CCDC102B: variants seen among roughly 807,000 people sequenced by gnomAD.
CCDC102B encodes coiled-coil domain-containing protein 102B.
A neutral mutation model predicts 57.4 loss-of-function variants in CCDC102B; 75 were observed. The observed-to-expected ratio is 1.31, with a 90% CI of 1.08 to 1.58. The LOEUF is 1.58. Among genes scored for constraint, CCDC102B ranks in the 40% most tolerant of loss-of-function variants. The pLI is 0.00. For missense variants in CCDC102B, 636 were observed against 582.6 expected, an observed-to-expected ratio of 1.09 and a Z score of -0.94; for synonymous variants, 206 against 201.9, an observed-to-expected ratio of 1.02 and a Z score of -0.17.
intron 6 of CCDC102B, among the ~76,000 whole-genome samples, chr18:68,984,765 G>C (rs990266170): frequency 6.6e-6 from 1 of 152,032 alleles, no homozygotes; most frequent in African/African-American, 2.4e-5. Context: ...ATATTCCACA[G>C]TGAAGGATTT....
chr18:68,843,968 AC>A (rs1219684577), intron 3 of CCDC102B, among the ~76,000 whole-genome samples: 19 of 94,316 alleles, frequency 2.0e-4, no homozygotes, highest in Non-Finnish European at 3.9e-4. Context: ...CTATCTAAAT[AC>A]TAAAAAAAAA....
intron 2 of CCDC102B, among the ~76,000 whole-genome samples, chr18:68,790,329 A>AGGCAG (rs1228260312): frequency 5.0e-4 from 76 of 151,488 alleles, no homozygotes; most frequent in Non-Finnish European, 4.6e-4. Flanking sequence ...AGAGGCAGGC[A>AGGCAG]GGCCTCCTTG....
At chr18:69,042,161 CT>C in intron 7 of CCDC102B, among the ~76,000 whole-genome samples, 1 of 151,954 alleles carries the variant, frequency 6.6e-6, no homozygotes, top group Non-Finnish European at 1.5e-5. Flanking sequence ...GGGAAGTTCT[CT>C]TTTTCAAAAA....
chr18:68,872,464 TA>T (rs898235330), intron 4 of CCDC102B, among the ~76,000 whole-genome samples: 1 of 152,170 alleles, frequency 6.6e-6, no homozygotes, highest in Non-Finnish European at 1.5e-5. Flanking sequence ...TTTTATTATT[TA>T]AATTTTTGAA....
At position 68,846,303 on chromosome 18, in the gene CCDC102B, A is replaced by C; in HGVS notation, c.828-10A>C. The C allele has an allele frequency of 6.8e-7, 1 of 1,465,190 alleles. No homozygotes were observed. Among genetic ancestry groups the C allele is most frequent in the East Asian group, 2.6e-5 (1 of 38,586 alleles). The allele number at this position is 1,465,190 out of a possible 1,614,324, so 90.8% of individuals were successfully genotyped here. On this transcript the variant is annotated splice_polypyrimidine_tract_variant and intron_variant, in intron 3 of 7. Transcript: ENST00000360242. ...CCGACTTTTTTTCTTTTAATTCTTAAATTATTTAGAATGCGCACAGCTTTG... is the reference window on the plus strand; with the variant it reads ...CCGACTTTTTTTCTTTTAATTCTTACATTATTTAGAATGCGCACAGCTTTG...
intron 5 of CCDC102B, among the ~76,000 whole-genome samples, chr18:68,883,978 GT>G (rs1474051337): frequency 1.3e-5 from 2 of 152,068 alleles, no homozygotes; most frequent in Non-Finnish European, 2.9e-5. Flanking sequence ...CCGGTAGAAA[GT>G]TTTTTAAAAA....
intron 6 of CCDC102B, among the ~76,000 whole-genome samples, chr18:68,898,606 AT>A (rs2040324560): frequency 6.6e-6 from 1 of 152,132 alleles, no homozygotes; most frequent in Non-Finnish European, 1.5e-5. Flanking sequence ...GATTATAGAA[AT>A]ACTTTTTATT....
At chr18:68,898,078 A>C (rs1039327821) in intron 6 of CCDC102B, among the ~76,000 whole-genome samples, 2 of 152,074 alleles carry the variant, frequency 1.3e-5, no homozygotes, top group Non-Finnish European at 1.5e-5. Flanking sequence ...GATAGTTTAC[A>C]GATTTTTAAA....
chr18:68,719,168 A>T (rs560744432), intron 2 of CCDC102B, among the ~76,000 whole-genome samples: 1 of 152,362 alleles, frequency 6.6e-6, no homozygotes, highest in African/African-American at 2.4e-5. Flanking sequence ...GCTTAAAATT[A>T]TACCATTAAA....
Position 68,868,087 on chromosome 18 carries a change from AACTT to A in CCDC102B, c.937-6581_937-6578del, listed in dbSNP as rs1019067145. Among the ~76,000 whole-genome samples the A allele has an allele frequency of 6.0e-4, 91 of 152,238 alleles. 1 individual carries two copies. The Middle Eastern group carries it at 0.01, about 17-fold the overall frequency. On this transcript the variant is annotated intron_variant, in intron 4 of 7. Transcript: ENST00000360242. Reference sequence around the variant, plus strand: ...CTCTTATTGCATTTCCAGAAAAAAAAACTTCTTAATTTCATGCTTCCAAGTCCAT... The same window carrying A: ...CTCTTATTGCATTTCCAGAAAAAAAACTTAATTTCATGCTTCCAAGTCCAT...
At chr18:69,016,912 T>C (rs963398661) in intron 7 of CCDC102B, among the ~76,000 whole-genome samples, 10 of 152,290 alleles carry the variant, frequency 6.6e-5, no homozygotes, top group Admixed American at 5.9e-4. Flanking sequence ...AGCAATCTTC[T>C]TTGGTTCTCA....
At chr18:68,879,217 G>A (rs560888957) in intron 5 of CCDC102B, among the ~76,000 whole-genome samples, 78 of 149,582 alleles carry the variant, frequency 5.2e-4, no homozygotes, top group African/African-American at 1.7e-3. Flanking sequence ...CATTCCTCCC[G>A]GTGGGCTCTT....
intron 2 of CCDC102B, among the ~76,000 whole-genome samples, chr18:68,772,591 A>G (rs2034676672): frequency 6.6e-6 from 1 of 152,148 alleles, no homozygotes; most frequent in African/African-American, 2.4e-5. Flanking sequence ...TCTTTTGTAA[A>G]ATTAAACTGT....
At chr18:68,787,542 C>A (rs2035258800) in intron 2 of CCDC102B, among the ~76,000 whole-genome samples, 1 of 151,468 alleles carries the variant, frequency 6.6e-6, no homozygotes, top group Non-Finnish European at 1.5e-5. Context: ...CAACTTCTTC[C>A]TGGTTTAGTC....
At chr18:68,927,843 T>C (rs913692130) in intron 6 of CCDC102B, among the ~76,000 whole-genome samples, 2 of 151,864 alleles carry the variant, frequency 1.3e-5, no homozygotes, top group Non-Finnish European at 2.9e-5. Context: ...GTGGTGCTTT[T>C]TACAGAGGTA....
chr18:68,742,808 G>T (rs1167043591), intron 2 of CCDC102B, among the ~76,000 whole-genome samples: 2 of 152,248 alleles, frequency 1.3e-5, no homozygotes, highest in African/African-American at 2.4e-5. Flanking sequence ...TAAATGTGCT[G>T]GGTATAGAGA....
At chr18:68,981,682 A>C (rs1469928118) in intron 6 of CCDC102B, among the ~76,000 whole-genome samples, 2 of 152,018 alleles carry the variant, frequency 1.3e-5, no homozygotes, top group Non-Finnish European at 2.9e-5. Flanking sequence ...ACTAAGGCAG[A>C]AATTTCTGAA....
upstream of CCDC102B, among the ~76,000 whole-genome samples, chr18:68,794,593 T>C (rs561160118): frequency 2.7e-3 from 405 of 152,184 alleles, 4 homozygotes; most frequent in African/African-American, 9.4e-3. Context: ...ATAGCCTTCA[T>C]TGATGTGTGC....
chr18:68,980,538 G>A (rs576476133), intron 6 of CCDC102B, among the ~76,000 whole-genome samples: 2 of 151,906 alleles, frequency 1.3e-5, no homozygotes, highest in Non-Finnish European at 2.9e-5. Context: ...GTTTTATTTT[G>A]CAAAACTAAA....
Sources: allele counts gnomAD v4.1 joint callset (sites outside exome capture counted in the v4.1 genomes callset), GRCh38; gene constraint gnomAD v4.1.1; transcripts MANE v1.5; gene names NCBI Gene and HGNC (gene_info 2026-07-23, HGNC 2026-07-21).